The following NBEA variants were observed in gnomAD, a reference collection of about 807,000 sequenced individuals.
The protein encoded by NBEA is lysosomal-trafficking regulator 2.
Under a neutral mutation model 343.4 loss-of-function variants are expected in NBEA, and 44 were observed. That is an observed-to-expected ratio of 0.13 (90% CI 0.10 to 0.16). The LOEUF (loss-of-function observed/expected upper bound fraction) is 0.16. Among genes scored for constraint, NBEA ranks in the 10% least tolerant of loss-of-function variants. The pLI is 1.00. For missense variants in NBEA, 2,555 were observed against 3,631.3 expected (o/e 0.70, Z 7.62); for synonymous variants, 1,175 against 1,238.7 (o/e 0.95, Z 1.08).
At chr13:34,988,589 G>C (rs1170314764) in intron 1 of NBEA, among the ~76,000 whole-genome samples, 2 of 151,016 alleles carry the variant, frequency 1.3e-5, no homozygotes, top group African/African-American at 4.8e-5. Context: ...TGTGGGCGTG[G>C]GATCCGCCGA....
At chr13:35,466,310 G>T (rs924360212) in intron 40 of NBEA, among the ~76,000 whole-genome samples, 1 of 152,312 alleles carries the variant, frequency 6.6e-6, no homozygotes, top group South Asian at 2.1e-4. Context: ...GAGCTTTTGT[G>T]TAAAATTTGA....
At chr13:35,505,922 A>G (rs759565188) in intron 41 of NBEA, among the ~76,000 whole-genome samples, 2 of 152,182 alleles carry the variant, frequency 1.3e-5, no homozygotes, top group Non-Finnish European at 2.9e-5. Flanking sequence ...TAAAAACACC[A>G]TTTACTTTCA....
intron 38 of NBEA, among the ~76,000 whole-genome samples, chr13:35,417,805 G>A (rs8189168): frequency 0.23 from 35,558 of 151,778 alleles, 5,163 homozygotes; most frequent in Middle Eastern, 0.49. Flanking sequence ...ACTTTCTGTC[G>A]CGTTGATCTG....
intron 39 of NBEA, among the ~76,000 whole-genome samples, chr13:35,434,414 C>T (rs539084558): frequency 3.3e-5 from 5 of 152,040 alleles, no homozygotes; most frequent in Admixed American, 3.3e-4. Flanking sequence ...ATTATCTATC[C>T]CTCTTGAGTT....
intron 44 of NBEA, among the ~76,000 whole-genome samples, chr13:35,566,354 C>T (rs1483769878): frequency 6.8e-6 from 1 of 147,636 alleles, no homozygotes; most frequent in Non-Finnish European, 1.5e-5. Flanking sequence ...GAGGGAGACA[C>T]CATCTCAAAA....
chr13:34,982,186 T>C (rs2060378963), intron 1 of NBEA, among the ~76,000 whole-genome samples: 1 of 152,308 alleles, frequency 6.6e-6, no homozygotes, highest in East Asian at 1.9e-4. Flanking sequence ...TTTCTAACAC[T>C]GTATAACTTC....
chr13:35,175,289 G>T (rs2070799709), intron 27 of NBEA, among the ~76,000 whole-genome samples: 1 of 151,988 alleles, frequency 6.6e-6, no homozygotes, highest in Non-Finnish European at 1.5e-5. Flanking sequence ...GTATTAATTA[G>T]ACAAAAAGTG....
intron 47 of NBEA, among the ~76,000 whole-genome samples, chr13:35,596,801 T>C (rs1024754627): frequency 6.6e-6 from 1 of 151,894 alleles, no homozygotes; most frequent in African/African-American, 2.4e-5. Flanking sequence ...TAAGGTGACA[T>C]AGTGTAAATT....
chr13:35,183,601 A>G (rs1055450226), intron 29 of NBEA, among the ~76,000 whole-genome samples: 4 of 152,042 alleles, frequency 2.6e-5, no homozygotes, highest in African/African-American at 9.7e-5. Flanking sequence ...TTATTATTCA[A>G]ATTAAACATC....
intron 33 of NBEA, among the ~76,000 whole-genome samples, chr13:35,218,282 C>T (rs922150174): frequency 6.6e-6 from 1 of 152,030 alleles, no homozygotes; most frequent in African/African-American, 2.4e-5. Flanking sequence ...ATATTCTTAT[C>T]ATGTTGTCAA....
At chr13:35,114,016 G>T (rs2066369306) in intron 13 of NBEA, among the ~76,000 whole-genome samples, 1 of 152,140 alleles carries the variant, frequency 6.6e-6, no homozygotes, top group Non-Finnish European at 1.5e-5. Flanking sequence ...AGATGTTTCT[G>T]ACTTGTCCTA....
chr13:35,545,911 A>C (rs1179286565), intron 41 of NBEA, among the ~76,000 whole-genome samples: 1 of 152,224 alleles, frequency 6.6e-6, no homozygotes, highest in Non-Finnish European at 1.5e-5. Context: ...TTAGGACATA[A>C]ACATGAGAAG....
At chr13:35,030,928 AT>A (rs1252209324) in intron 1 of NBEA, among the ~76,000 whole-genome samples, 1 of 151,614 alleles carries the variant, frequency 6.6e-6, no homozygotes, top group Non-Finnish European at 1.5e-5. Flanking sequence ...ACATATATTA[AT>A]TGTTAATTCC....
chr13:35,181,612 C>T (rs2071326759), intron 28 of NBEA, among the ~76,000 whole-genome samples: 1 of 151,406 alleles, frequency 6.6e-6, no homozygotes, highest in South Asian at 2.1e-4. Flanking sequence ...TGTGAGTTGT[C>T]TGTTTATTCT....
chr13:35,212,022 C>CACAA (rs2073810460), intron 33 of NBEA, among the ~76,000 whole-genome samples: 1 of 152,052 alleles, frequency 6.6e-6, no homozygotes, highest in South Asian at 2.1e-4. Context: ...CACACACACA[C>CACAA]ACACGTATGT....
At chr13:35,259,230 G>A (rs148856170) in intron 34 of NBEA, among the ~76,000 whole-genome samples, 5 of 151,990 alleles carry the variant, frequency 3.3e-5, no homozygotes, top group East Asian at 3.9e-4. Flanking sequence ...TTTTTAGCTC[G>A]GCACCAGACT....
chr13:35,384,933 G>A (rs2042174229), intron 38 of NBEA, among the ~76,000 whole-genome samples: 1 of 152,170 alleles, frequency 6.6e-6, no homozygotes, highest in African/African-American at 2.4e-5. Context: ...AAGTTCAGCT[G>A]AGGATCACCA....
chr13:34,990,673 AG>A, intron 1 of NBEA, among the ~76,000 whole-genome samples: 1 of 139,152 alleles, frequency 7.2e-6, no homozygotes, highest in African/African-American at 2.5e-5. Context: ...ATTAACATTC[AG>A]CTCCTCTTTA....
intron 41 of NBEA, chr13:35,475,549 G>C: frequency 6.2e-7 from 1 of 1,613,302 alleles, no homozygotes; most frequent in Non-Finnish European, 8.5e-7. Flanking sequence ...CACCCGGTTG[G>C]GTCCCGGCCA....
Sources: allele counts gnomAD v4.1 joint callset (sites outside exome capture counted in the v4.1 genomes callset), GRCh38; gene constraint gnomAD v4.1.1; transcripts MANE v1.5; gene names NCBI Gene and HGNC (gene_info 2026-07-23, HGNC 2026-07-21).